Variants in PTPRD observed in about 807,000 individuals in gnomAD.
PTPRD encodes the protein receptor-type tyrosine-protein phosphatase delta.
PTPRD carries 34 observed loss-of-function variants against 214.5 expected under a neutral mutation model. The observed-to-expected ratio is 0.16, with a 90% CI of 0.12 to 0.21. The LOEUF (loss-of-function observed/expected upper bound fraction) is 0.21. PTPRD is among the 10% of genes least tolerant of loss of function. The pLI is 1.00. For missense variants in PTPRD, 2,545 were observed against 2,398.7 expected, an observed-to-expected ratio of 1.06 and a Z score of -1.27; for synonymous variants, 1,128 against 845.7, an observed-to-expected ratio of 1.33 and a Z score of -5.79.
intron 11 of PTPRD, among the ~76,000 whole-genome samples, chr9:8,795,777 T>C (rs2096398149): frequency 1.3e-5 from 2 of 152,314 alleles, no homozygotes; most frequent in South Asian, 4.1e-4. Flanking sequence ...AAGTCAAAGT[T>C]ATCTAAAGCA....
intron 9 of PTPRD, among the ~76,000 whole-genome samples, chr9:9,233,564 T>G (rs1309452162): frequency 6.6e-6 from 1 of 152,146 alleles, no homozygotes; most frequent in Non-Finnish European, 1.5e-5. Context: ...AAGTTCAAAG[T>G]CTCATCTGAG....
At chr9:8,523,407 A>T in intron 19 of PTPRD, 106 bp downstream of exon 19, 1 of 1,363,366 alleles carries the variant, frequency 7.3e-7, no homozygotes, top group Non-Finnish European at 1.0e-6. Flanking sequence ...CATACCATTA[A>T]CCAAAAGAAG....
intron 2 of PTPRD, among the ~76,000 whole-genome samples, chr9:10,398,473 A>C (rs2098214139): frequency 6.6e-6 from 1 of 151,932 alleles, no homozygotes; most frequent in Non-Finnish European, 1.5e-5. Flanking sequence ...ACAGCTTTCA[A>C]TGCATTTTGC....
intron 39 of PTPRD, among the ~76,000 whole-genome samples, chr9:8,372,045 G>A (rs1435193376): frequency 2.0e-5 from 3 of 151,942 alleles, no homozygotes; most frequent in African/African-American, 7.2e-5. Context: ...GAGTTGAAAG[G>A]TTTCTCAGGT....
Position 8,880,335 on chromosome 9 carries a change from G to C in PTPRD, c.-104+138362C>G, listed in dbSNP as rs543621624. Among the ~76,000 whole-genome samples the C allele has an allele frequency of 5.8e-4, 88 of 152,250 alleles. 4 individuals carry two copies. The South Asian group carries it at 0.017, about 29-fold the overall frequency. ...TCTCAAGTTGGTTTTTCTGAGGAAG[G>C]CTTCAATGCTAGGTCTGGCGCATCC... On this transcript the variant is annotated intron_variant, in intron 11 of 45. Coordinates refer to ENST00000381196, the MANE Select transcript of PTPRD (RefSeq NM_002839.4).
At chr9:10,155,917 G>T (rs1044844818) in intron 3 of PTPRD, among the ~76,000 whole-genome samples, 3 of 151,874 alleles carry the variant, frequency 2.0e-5, no homozygotes, top group East Asian at 3.9e-4. Context: ...TTTTTGTGTT[G>T]TGTCTCTGGC....
intron 3 of PTPRD, among the ~76,000 whole-genome samples, chr9:10,056,691 G>A (rs971070628): frequency 5.9e-5 from 9 of 151,978 alleles, no homozygotes; most frequent in Admixed American, 2.0e-4. Context: ...GTCAAGAGGG[G>A]CATAATATTG....
intron 35 of PTPRD, among the ~76,000 whole-genome samples, chr9:8,427,879 T>G (rs12554442): frequency 0.18 from 27,512 of 151,818 alleles, 3,582 homozygotes; most frequent in East Asian, 0.56. Context: ...TAGTGGTACA[T>G]GCAATGATGG....
At chr9:8,934,826 G>A (rs12005694) in intron 11 of PTPRD, among the ~76,000 whole-genome samples, 151,385 of 151,828 alleles carry the variant, frequency 1, 75,474 homozygotes, top group Middle Eastern at 1. Flanking sequence ...TGTATGTTCA[G>A]CTTTTTGGAT....
intron 2 of PTPRD, among the ~76,000 whole-genome samples, chr9:10,599,057 G>A (rs2077336536): frequency 6.6e-6 from 1 of 151,660 alleles, no homozygotes; most frequent in East Asian, 2.0e-4. Flanking sequence ...CACTTATCTA[G>A]GTTCAATGGC....
intron 9 of PTPRD, among the ~76,000 whole-genome samples, chr9:9,382,233 T>G (rs1382399985): frequency 6.6e-6 from 1 of 152,160 alleles, no homozygotes; most frequent in Non-Finnish European, 1.5e-5. Flanking sequence ...TGATTTTATA[T>G]ATTACAACTT....
intron 3 of PTPRD, among the ~76,000 whole-genome samples, chr9:10,074,989 T>C (rs576678572): frequency 9.7e-4 from 148 of 152,232 alleles, no homozygotes; most frequent in African/African-American, 3.3e-3. Flanking sequence ...AGTGAGGAGA[T>C]AGGGGAAGAG....
At chr9:8,620,780 C>T (rs559910688) in intron 14 of PTPRD, among the ~76,000 whole-genome samples, 3 of 152,036 alleles carry the variant, frequency 2.0e-5, no homozygotes, top group African/African-American at 7.2e-5. Context: ...AAACATTGGG[C>T]AAAGTCCTTT....
At chr9:10,048,997 G>T (rs1423858076) in intron 3 of PTPRD, among the ~76,000 whole-genome samples, 1 of 152,074 alleles carries the variant, frequency 6.6e-6, no homozygotes, top group African/African-American at 2.4e-5. Context: ...GGTAGTTCAA[G>T]AGCAAAAGAG....
At chr9:9,166,515 A>G (rs946778176) in intron 10 of PTPRD, among the ~76,000 whole-genome samples, 4 of 152,142 alleles carry the variant, frequency 2.6e-5, no homozygotes, top group African/African-American at 9.7e-5. Context: ...GTGGCTCAAA[A>G]GTGGTCCCAA....
intron 3 of PTPRD, among the ~76,000 whole-genome samples, chr9:10,112,182 T>C (rs2098696974): frequency 6.6e-6 from 1 of 152,156 alleles, no homozygotes; most frequent in African/African-American, 2.4e-5. Flanking sequence ...GAATGGTCAG[T>C]TGTGAGGGCT....
intron 12 of PTPRD, among the ~76,000 whole-genome samples, chr9:8,645,111 G>T (rs2096659250): frequency 6.6e-6 from 1 of 152,190 alleles, no homozygotes; most frequent in African/African-American, 2.4e-5. Context: ...ACTATAAAAT[G>T]TATACTGATT....
At chr9:8,966,431 GCA>G (rs1448261962) in intron 11 of PTPRD, among the ~76,000 whole-genome samples, 1 of 150,292 alleles carries the variant, frequency 6.7e-6, no homozygotes, top group African/African-American at 2.4e-5. Context: ...AAAAAAAAAA[GCA>G]ACAAAAAACA....
intron 9 of PTPRD, among the ~76,000 whole-genome samples, chr9:9,240,841 T>C (rs994088630): frequency 4.6e-5 from 7 of 152,134 alleles, no homozygotes; most frequent in African/African-American, 7.2e-5. Flanking sequence ...GCTCATCAGG[T>C]TTCTAATCAC....
Sources: gnomAD v4.1 joint callset for allele counts (sites outside exome capture counted in the v4.1 genomes callset) on GRCh38, gnomAD v4.1.1 for gene constraint, MANE v1.5 for transcripts, NCBI Gene and HGNC (gene_info 2026-07-23, HGNC 2026-07-21) for gene names.